The following FOXF2 variants were observed in gnomAD, a reference collection of about 807,000 sequenced individuals.
FOXF2 encodes the protein forkhead box protein F2.
Under a neutral mutation model 29.1 loss-of-function variants are expected in FOXF2, and 15 were observed. The ratio of observed to expected loss-of-function variants is 0.52; its 90% CI spans 0.35 to 0.79. The LOEUF is 0.79. Ranked by LOEUF, FOXF2 falls within the 30% of genes least tolerant of loss-of-function variation. The probability of loss-of-function intolerance (pLI) is 0.01; values close to 1 mark genes in which losing one functional copy is unlikely to be tolerated. For missense variants in FOXF2, 675 were observed against 667.1 expected, an observed-to-expected ratio of 1.01 and a Z score of -0.13; for synonymous variants, 337 against 316.5, an observed-to-expected ratio of 1.06 and a Z score of -0.69.
Position 1,390,645 on chromosome 6 carries a change from C to T in FOXF2, c.698C>T (p.Ala233Val). 6.4e-7 allele frequency: 1 copy of T among 1,572,846 alleles called. No homozygotes were observed. Among genetic ancestry groups the T allele is most frequent in the South Asian group, 1.1e-5 (1 of 88,186 alleles). ...QGFDFQAPPSAPLGCHSQGGY... is the reference protein window; with the variant it reads ...QGFDFQAPPSVPLGCHSQGGY... ...TTCGACTTCCAGGCGCCCCCGTCGG[C>T]GCCGCTCGGCTGCCACAGCCAGGGC... is the stretch of plus-strand genomic sequence containing the variant. The change falls in exon 1 of 2, where the codon GCG (alanine) becomes GTG (valine). Residue 233 changes from alanine (A) to valine (V), a missense_variant. Ala to Val is a moderately conservative substitution (Grantham distance 64). Transcript: ENST00000645481. This position sits in a 1 kb window ranked among gnomAD's most constrained non-coding sequence, Gnocchi z 8.5.
Position 1,390,158 on chromosome 6 carries a change from G to A in FOXF2, c.211G>A (p.Ala71Thr). The A allele has an allele frequency of 6.8e-7, 1 of 1,465,294 alleles. No individual in the cohort carries two copies. Among genetic ancestry groups the A allele is most frequent in the Admixed American group, 2.4e-5 (1 of 42,062 alleles). The allele number at this position is 1,465,294 out of a possible 1,614,324, so 90.8% of individuals were successfully genotyped here. A position where few individuals can be genotyped will look rare whatever the true frequency, so the allele number is the denominator to read the frequency against. The change falls in exon 1 of 2, where the codon GCT (alanine) becomes ACT (threonine). Residue 71 changes from alanine to threonine, a missense_variant. This residue lies in a region of FOXF2 where 220 missense variants were observed against 205.5 expected (regional missense o/e 1.07). Transcript: ENST00000645481. The surrounding 1 kb of genome is among the most constrained non-coding windows in gnomAD (Gnocchi z 8.5). ...CTCCAATTCGGCCAGCGCCCCCTCGGCTGCCTGCAAGAGCGCGGGCGGCGG... is the reference window on the plus strand; with the variant it reads ...CTCCAATTCGGCCAGCGCCCCCTCGACTGCCTGCAAGAGCGCGGGCGGCGG... ...SSSNSASAPS[A>T]ACKSAGGGGA...
chr6:1,391,448 G>A (rs1241136352), intron 1 of FOXF2, among the ~76,000 whole-genome samples: 1 of 152,258 alleles, frequency 6.6e-6, no homozygotes, highest in East Asian at 1.9e-4. Flanking sequence ...ACTTAGCTTG[G>A]AGAGAAGGCA....
Position 1,390,780 on chromosome 6 carries a change from C to A in FOXF2, c.833C>A (p.Pro278His), listed in dbSNP as rs747109983. Residue 278 changes from proline (P) to histidine (H), a missense_variant, in exon 1 of 2, where the codon CCC (proline) becomes CAC (histidine). Pro to His is a moderately conservative substitution (Grantham distance 77). Around this residue, in one of 3 missense-constraint regions of FOXF2, gnomAD observed 451 missense variants for 437.2 expected, o/e 1.03. Transcript: ENST00000645481. The surrounding 1 kb of genome is among the most constrained non-coding windows in gnomAD (Gnocchi z 8.5). Reference sequence around the variant, plus strand: ...CACCACCACGTCCCGCACATGTCGCCCAACCCGGGTTCCACCTACATGGCC... The same window carrying A: ...CACCACCACGTCCCGCACATGTCGCACAACCCGGGTTCCACCTACATGGCC... ...HHHHHVPHMS[P>H]NPGSTYMASC... 7.2e-7 allele frequency: 1 copy of A among 1,390,520 alleles called. No individual in the cohort carries two copies. The allele number at this position is 1,390,520 out of a possible 1,614,324, so 86.1% of individuals were successfully genotyped here.
In FOXF2 at chr6:1,392,433, A is replaced by ACCACACAC. The variant is rs1561785439; in HGVS notation, c.1171+1315_1171+1316insCCACACAC. Among the ~76,000 whole-genome samples, 29 of 86,298 alleles carry ACCACACAC rather than the reference A, an allele frequency of 3.4e-4. 1 individual carries two copies. The highest frequency in any genetic ancestry group is 1.4e-3 in the African/African-American group (25 of 18,004). 56.6% of individuals were successfully genotyped at this position (86,298 alleles called of 152,430 possible). ...TTGTATTCCCTTGGACCGGCTGTCA[A>ACCACACAC]TCACACACACACACACACACACACA... On this transcript the variant is annotated intron_variant, in intron 1 of 1. Transcript: ENST00000645481.
Position 1,390,475 on chromosome 6 carries a change from C to A in FOXF2, c.528C>A (p.Ile176=). ...GRPGKGHYWT[I]DPASEFMFEE... ...CCGGCAAGGGCCACTACTGGACCAT[C>A]GACCCGGCCAGCGAGTTCATGTTCG... Residue 176 remains isoleucine, a synonymous_variant, in exon 1 of 2, where the codon ATC becomes ATA. Coordinates refer to ENST00000645481, the MANE Select transcript of FOXF2 (RefSeq NM_001452.2). The surrounding 1 kb of genome is among the most constrained non-coding windows in gnomAD (Gnocchi z 8.5). The A allele has an allele frequency of 6.2e-7, 1 of 1,612,004 alleles. No homozygotes were observed. The highest frequency in any genetic ancestry group is 8.5e-7 in the Non-Finnish European group (1 of 1,179,898).
intron 1 of FOXF2, among the ~76,000 whole-genome samples, chr6:1,392,749 C>T (rs1168931966): frequency 6.6e-6 from 1 of 152,240 alleles, no homozygotes; most frequent in Non-Finnish European, 1.5e-5. Flanking sequence ...AATCTGGATA[C>T]ATTACTGTCT....
At position 1,389,619 on chromosome 6, in the gene FOXF2, G is replaced by A. The variant is rs1037312566; in HGVS notation, c.-329G>A. 2 of 150,922 alleles carry A rather than the reference G, an allele frequency of 1.3e-5. No individual in the cohort carries two copies. The highest frequency in any genetic ancestry group is 3.0e-5 in the Non-Finnish European group (2 of 67,186). The allele number at this position is 150,922 out of a possible 1,614,324, so 9.3% of individuals were successfully genotyped here. Reference sequence around the variant, plus strand: ...GAAGGGAGACGTCGGGCTCGTCCCCGGGGTCCAGGCCGCGGTCCCACTCGC... The same window carrying A: ...GAAGGGAGACGTCGGGCTCGTCCCCAGGGTCCAGGCCGCGGTCCCACTCGC... On this transcript the variant is annotated 5_prime_UTR_variant, in exon 1 of 2. Coordinates refer to ENST00000645481, the MANE Select transcript of FOXF2 (RefSeq NM_001452.2).
At position 1,390,180 on chromosome 6, in the gene FOXF2, G is replaced by A. The variant is rs2113367394; in HGVS notation, c.233G>A (p.Gly78Asp). Residue 78 changes from glycine (G) to aspartate (D), a missense_variant, in exon 1 of 2, where the codon GGC (glycine) becomes GAC (aspartate). Transcript: ENST00000645481. The surrounding 1 kb of genome is among the most constrained non-coding windows in gnomAD (Gnocchi z 8.5). ...TCGGCTGCCTGCAAGAGCGCGGGCG[G>A]CGGCGGCGCGGGCGCCGGGAGCGGG... ...APSAACKSAG[G>D]GGAGAGSGGA... is the part of the protein sequence containing the mutation. 1 of 1,464,470 alleles carries A rather than the reference G, an allele frequency of 6.8e-7. No individual in the cohort carries two copies. Among genetic ancestry groups the A allele is most frequent in the Non-Finnish European group, 9.0e-7 (1 of 1,108,328 alleles). 90.7% of individuals were successfully genotyped at this position (1,464,470 alleles called of 1,614,324 possible).
intron 1 of FOXF2, among the ~76,000 whole-genome samples, chr6:1,392,304 C>CGGAGA (rs1180551097): frequency 6.6e-6 from 1 of 152,146 alleles, no homozygotes; most frequent in Non-Finnish European, 1.5e-5. Context: ...AGGACCACAC[C>CGGAGA]GGAGAGGATT....
intron 1 of FOXF2, among the ~76,000 whole-genome samples, chr6:1,392,436 A>ACTCACT (rs576421933): frequency 8.8e-6 from 1 of 113,342 alleles, no homozygotes; most frequent in Non-Finnish European, 1.9e-5. Flanking sequence ...GCTGTCAATC[A>ACTCACT]CACACACACA....
At position 1,390,842 on chromosome 6, in the gene FOXF2, G is replaced by A. The variant is rs932195449; in HGVS notation, c.895G>A (p.Ala299Thr). The change falls in exon 1 of 2, where the codon GCG becomes ACG. Residue 299 changes from alanine to threonine, a missense_variant. Coordinates refer to ENST00000645481, the MANE Select transcript of FOXF2 (RefSeq NM_001452.2). The surrounding 1 kb of genome is among the most constrained non-coding windows in gnomAD (Gnocchi z 8.5). ...PVPAGPGGVGAAGGGGGGDYG... is the reference protein window; with the variant it reads ...PVPAGPGGVGTAGGGGGGDYG... ...GCCCGCGGGACCCGGGGGCGTCGGTGCGGCCGGGGGCGGCGGCGGCGGCGA... is the reference window on the plus strand; with the variant it reads ...GCCCGCGGGACCCGGGGGCGTCGGTACGGCCGGGGGCGGCGGCGGCGGCGA... 7.3e-6 allele frequency: 10 copies of A among 1,374,380 alleles called. No individual in the cohort carries two copies. The African/African-American group carries it at 1.2e-4, about 16-fold the overall frequency. The allele number at this position is 1,374,380 out of a possible 1,614,324, so 85.1% of individuals were successfully genotyped here.
Position 1,394,999 on chromosome 6 carries a change from C to G in FOXF2, c.*140C>G, listed in dbSNP as rs1047588801. 1 of 850,868 alleles carries G rather than the reference C, an allele frequency of 1.2e-6. No individual in the cohort carries two copies. The highest frequency in any genetic ancestry group is 1.9e-6 in the Non-Finnish European group (1 of 529,066). 52.7% of individuals were successfully genotyped at this position (850,868 alleles called of 1,614,324 possible). ...GCCACTTAGCCAGAATGCCCAGGAT[C>G]GCGTTGGTCACTGTTATTTGCCTAC... On this transcript the variant is annotated 3_prime_UTR_variant, in exon 2 of 2. Transcript: ENST00000645481.
At position 1,390,864 on chromosome 6, in the gene FOXF2, G is replaced by GCGGCGA. The variant is rs1758772277; in HGVS notation, c.919_920insGCGACG (p.Gly306_Asp307insGlyAsp). ...GGTGCGGCCGGGGGCGGCGGCGGCG[G>GCGGCGA]CGACTACGGGCCGGACAGCAGCAGC... On this transcript the variant is annotated inframe_insertion, in exon 1 of 2. Coordinates refer to ENST00000645481, the MANE Select transcript of FOXF2 (RefSeq NM_001452.2). The surrounding 1 kb of genome is among the most constrained non-coding windows in gnomAD (Gnocchi z 8.5). 2 of 1,452,956 alleles carry GCGGCGA rather than the reference G, an allele frequency of 1.4e-6. No homozygotes were observed. The highest frequency in any genetic ancestry group is 5.7e-5 in the East Asian group (2 of 35,190). 90.0% of individuals were successfully genotyped at this position (1,452,956 alleles called of 1,614,324 possible).
chr6:1,390,573 G>T lies in FOXF2; in HGVS notation c.626G>T (p.Arg209Leu). The T allele has an allele frequency of 6.2e-7, 1 of 1,601,228 alleles. No homozygotes were observed. Residue 209 changes from arginine to leucine, a missense_variant, in exon 1 of 2, where the codon CGC becomes CTC. Transcript: ENST00000645481. This position sits in a 1 kb window ranked among gnomAD's most constrained non-coding sequence, Gnocchi z 8.5. Reference protein sequence around the residue: ...KCQALKPMYHRVVSGLGFGAS... With the variant: ...KCQALKPMYHLVVSGLGFGAS... ...CAGGCGCTCAAGCCCATGTACCACC[G>T]CGTGGTGAGCGGCTTGGGCTTCGGG...
chr6:1,391,816 C>G (rs1253747153), intron 1 of FOXF2, among the ~76,000 whole-genome samples: 1 of 152,166 alleles, frequency 6.6e-6, no homozygotes, highest in Non-Finnish European at 1.5e-5. Flanking sequence ...TAGGACTCCC[C>G]TGAGAAATGC....
chr6:1,392,434 T>TCACACACACACACACACACACA (rs71738664), intron 1 of FOXF2, among the ~76,000 whole-genome samples: 16 of 107,766 alleles, frequency 1.5e-4, no homozygotes, highest in African/African-American at 4.4e-4. Flanking sequence ...CGGCTGTCAA[T>TCACACACACACACACACACACA]CACACACACA....
In FOXF2 at chr6:1,390,564, T is replaced by C. The variant is rs747187038; in HGVS notation, c.617T>C (p.Met206Thr). The change falls in exon 1 of 2, where the codon ATG becomes ACG. Residue 206 changes from methionine to threonine, a missense_variant. Met to Thr is a moderately conservative substitution (Grantham distance 81). Around this residue, in one of 3 missense-constraint regions of FOXF2, gnomAD observed 451 missense variants for 437.2 expected, o/e 1.03. Coordinates refer to ENST00000645481, the MANE Select transcript of FOXF2 (RefSeq NM_001452.2). This position sits in a 1 kb window ranked among gnomAD's most constrained non-coding sequence, Gnocchi z 8.5. Reference sequence around the variant, plus strand: ...CGGAAGTGCCAGGCGCTCAAGCCCATGTACCACCGCGTGGTGAGCGGCTTG... The same window carrying C: ...CGGAAGTGCCAGGCGCTCAAGCCCACGTACCACCGCGTGGTGAGCGGCTTG... ...FRRKCQALKP[M>T]YHRVVSGLGF... is the part of the protein sequence containing the mutation. 1.2e-6 allele frequency: 2 copies of C among 1,604,010 alleles called. No homozygotes were observed. Among genetic ancestry groups the C allele is most frequent in the Non-Finnish European group, 1.7e-6 (2 of 1,177,816 alleles).
At chr6:1,392,559 T>C (rs4382338) in intron 1 of FOXF2, among the ~76,000 whole-genome samples, 6,461 of 150,614 alleles carry the variant, frequency 0.043, 252 homozygotes, top group African/African-American at 0.093. Context: ...CTCCCCTTCT[T>C]CTCCTCTCCC....
In FOXF2 at chr6:1,390,563, A is replaced by C. The variant is rs758774206; in HGVS notation, c.616A>C (p.Met206Leu). The C allele has an allele frequency of 1.9e-6, 3 of 1,604,166 alleles. No homozygotes were observed. Among genetic ancestry groups the C allele is most frequent in the African/African-American group, 1.3e-5 (1 of 74,776 alleles). ...GCGGAAGTGCCAGGCGCTCAAGCCC[A>C]TGTACCACCGCGTGGTGAGCGGCTT... ...FRRKCQALKP[M>L]YHRVVSGLGF... Residue 206 changes from methionine (M) to leucine (L), a missense_variant, in exon 1 of 2, where the codon ATG (methionine) becomes CTG (leucine). By Grantham distance (15) the Met-to-Leu change is conservative (BLOSUM62 2). This residue lies in a region of FOXF2 where 451 missense variants were observed against 437.2 expected (regional missense o/e 1.03). Coordinates refer to ENST00000645481, the MANE Select transcript of FOXF2 (RefSeq NM_001452.2). This position sits in a 1 kb window ranked among gnomAD's most constrained non-coding sequence, Gnocchi z 8.5.
Sources: allele counts gnomAD v4.1 joint callset (sites outside exome capture counted in the v4.1 genomes callset), GRCh38; gene constraint gnomAD v4.1.1; regional missense constraint gnomAD v4.1.1; non-coding constraint Gnocchi (gnomAD v3.1); transcripts MANE v1.5; gene names NCBI Gene and HGNC (gene_info 2026-07-23, HGNC 2026-07-21).